The following SATL1 variants were observed in gnomAD, a reference collection of about 807,000 sequenced individuals.
SATL1 encodes spermidine/spermine N1-acetyl transferase like 1, also known as spermidine/spermine N(1)-acetyltransferase-like protein 1.
SATL1 carries 47 observed loss-of-function variants against 51.8 expected under a neutral mutation model. The ratio of observed to expected loss-of-function variants is 0.91; its 90% CI spans 0.72 to 1.16. SATL1 has a LOEUF of 1.16. SATL1 is among the 50% of genes most tolerant of loss of function. The pLI, the probability that SATL1 is intolerant of heterozygous loss-of-function variation, is 0.00. For missense variants in SATL1, 520 were observed against 526.4 expected, an observed-to-expected ratio of 0.99 and a Z score of 0.12; for synonymous variants, 176 against 182.4, an observed-to-expected ratio of 0.97 and a Z score of 0.28.
intron 6 of SATL1, 111 bp from the exon 7 acceptor site, chrX:85,093,336 T>G (rs1924586887): frequency 1.3e-6 from 1 of 743,645 alleles, no homozygotes; most frequent in Non-Finnish European, 1.9e-6. Context: ...TTGTATATTA[T>G]TAATAGCTTC....
intron 1 of SATL1, among the ~76,000 whole-genome samples, chrX:85,228,680 T>C (rs1928322841): frequency 8.9e-6 from 1 of 111,787 alleles, no homozygotes; most frequent in Admixed American, 9.5e-5. Context: ...TATCAGTACA[T>C]TCCATGCAAC....
chrX:85,180,080 A>G (rs1927168536), intron 2 of SATL1, among the ~76,000 whole-genome samples: 2 of 111,204 alleles, frequency 1.8e-5, no homozygotes, highest in South Asian at 7.4e-4. Context: ...TTTTACAGAT[A>G]AGAAACTATA....
intron 2 of SATL1, among the ~76,000 whole-genome samples, chrX:85,201,360 T>C (rs149962024): frequency 1.1e-3 from 125 of 111,726 alleles, no homozygotes; most frequent in African/African-American, 4.0e-3. Flanking sequence ...TGCTGGCTTT[T>C]AAGGCCCAAT....
chrX:85,241,841 T>C (rs1928602767), intron 1 of SATL1, among the ~76,000 whole-genome samples: 1 of 112,191 alleles, frequency 8.9e-6, no homozygotes, highest in South Asian at 3.7e-4. Flanking sequence ...CAGGAGACTA[T>C]TACTACTGTC....
chrX:85,240,360 A>C (rs1928566576), intron 1 of SATL1, among the ~76,000 whole-genome samples: 1 of 111,254 alleles, frequency 9.0e-6, no homozygotes. Flanking sequence ...GACGGCCTGA[A>C]CTCCTTAATA....
At chrX:85,230,845 C>T (rs1928366541) in intron 1 of SATL1, among the ~76,000 whole-genome samples, 1 of 111,913 alleles carries the variant, frequency 8.9e-6, no homozygotes, top group Non-Finnish European at 1.9e-5. Context: ...CCTTAGTTAT[C>T]AGGAAATGCA....
chrX:85,109,344 C>T, intron 2 of SATL1, 64 bp from the exon 3 acceptor site: 3 of 228,418 alleles, frequency 1.3e-5, no homozygotes, highest in Non-Finnish European at 1.6e-5. Context: ...ACCACCAGCC[C>T]GCCCCTGCAT....
intron 2 of SATL1, among the ~76,000 whole-genome samples, chrX:85,178,502 G>A (rs1374590731): frequency 9.2e-6 from 1 of 108,781 alleles, no homozygotes; most frequent in Admixed American, 1.0e-4. Context: ...TCCTGCCTTA[G>A]CCTTCCAAGT....
intron 1 of SATL1, among the ~76,000 whole-genome samples, chrX:85,228,167 A>G (rs1928312489): frequency 9.0e-6 from 1 of 111,133 alleles, no homozygotes; most frequent in Admixed American, 9.6e-5. Flanking sequence ...GAGATTTTCT[A>G]CAAGCATCAG....
At chrX:85,111,952 T>C (rs1925270362) in intron 2 of SATL1, among the ~76,000 whole-genome samples, 1 of 111,827 alleles carries the variant, frequency 8.9e-6, no homozygotes, top group Non-Finnish European at 1.9e-5. Context: ...TAAGGGTCTG[T>C]AGCAACCTCA....
chrX:85,195,588 G>T (rs563624556), intron 2 of SATL1, among the ~76,000 whole-genome samples: 1 of 110,801 alleles, frequency 9.0e-6, no homozygotes, highest in Middle Eastern at 4.7e-3. Context: ...TGAGGTGGGT[G>T]GATCACCTGA....
chrX:85,150,423 C>G (rs1440899365), intron 2 of SATL1, among the ~76,000 whole-genome samples: 5 of 109,101 alleles, frequency 4.6e-5, no homozygotes, highest in East Asian at 2.9e-4. Context: ...TGAAACTATT[C>G]CAATCAATAG....
At chrX:85,235,970 C>G (rs1026996376) in intron 1 of SATL1, among the ~76,000 whole-genome samples, 6 of 110,850 alleles carry the variant, frequency 5.4e-5, no homozygotes, top group Admixed American at 3.8e-4. Context: ...AGAGAAGACA[C>G]AAGTAAATAA....
intron 2 of SATL1, among the ~76,000 whole-genome samples, chrX:85,150,062 T>A: frequency 9.0e-6 from 1 of 111,078 alleles, no homozygotes; most frequent in Admixed American, 9.6e-5. Flanking sequence ...ATTGATAGAC[T>A]GCTGGCAAGA....
intron 2 of SATL1, among the ~76,000 whole-genome samples, chrX:85,160,482 A>C (rs759643195): frequency 1.8e-5 from 2 of 110,804 alleles, no homozygotes; most frequent in Non-Finnish European, 3.8e-5. Flanking sequence ...CCAGTATAGA[A>C]ATGAACGAAA....
chrX:85,166,943 G>A (rs5968465), intron 2 of SATL1, among the ~76,000 whole-genome samples: 9,051 of 65,149 alleles, frequency 0.14, 487 homozygotes, highest in South Asian at 0.17. Context: ...ATATGTGTAT[G>A]TGTGTGTGTG....
In SATL1 at chrX:85,216,827, C is replaced by T. The variant is rs377068480; in HGVS notation, c.-313+7378G>A. ...TGCAATCGATGTAGCTCATTGAGGG[C>T]GTCATTCAATGTGTGTGTCCACATA... On this transcript the variant is annotated intron_variant, in intron 2 of 7. Coordinates refer to ENST00000644105, the MANE Select transcript of SATL1 (RefSeq NM_001367857.2). 3.2e-4 allele frequency among the ~76,000 whole-genome samples: 36 copies of T among 111,836 alleles called. No individual in the cohort carries two copies. In the South Asian group the frequency reaches 3.4e-3, roughly 11 times the overall value.
intron 2 of SATL1, among the ~76,000 whole-genome samples, chrX:85,114,887 T>C (rs896674174): frequency 1.8e-5 from 2 of 112,337 alleles, no homozygotes; most frequent in African/African-American, 6.5e-5. Context: ...TACAATTTTC[T>C]GTCAAAGAGC....
At chrX:85,174,324 AC>A (rs1164614206) in intron 2 of SATL1, among the ~76,000 whole-genome samples, 3 of 108,492 alleles carry the variant, frequency 2.8e-5, no homozygotes, top group African/African-American at 1.0e-4. Context: ...TATGGATAAA[AC>A]TTTTTTTTTT....
Sources: gnomAD v4.1 joint callset for allele counts (sites outside exome capture counted in the v4.1 genomes callset) on GRCh38, gnomAD v4.1.1 for gene constraint, MANE v1.5 for transcripts, NCBI Gene and HGNC (gene_info 2026-07-23, HGNC 2026-07-21) for gene names.